Variants in FAM168B observed in about 807,000 individuals in gnomAD.
FAM168B encodes myelin-associated neurite-outgrowth inhibitor.
Under a neutral mutation model 21.8 loss-of-function variants are expected in FAM168B, and 19 were observed. The observed-to-expected ratio is 0.87, with a 90% CI of 0.61 to 1.28. FAM168B has a LOEUF of 1.28. FAM168B is among the 50% of genes most tolerant of loss of function. The pLI is 0.00. For synonymous variants in FAM168B, 126 were observed against 104.8 expected (o/e 1.20, Z -1.24); for missense variants, 233 against 263.1 (o/e 0.89, Z 0.79).
At chr2:131,074,100 A>G (rs1693015681) in intron 2 of FAM168B, among the ~76,000 whole-genome samples, 1 of 152,154 alleles carries the variant, frequency 6.6e-6, no homozygotes, top group Admixed American at 6.5e-5. Context: ...TACAGGAGGC[A>G]TCACTTGTGA....
In FAM168B at chr2:131,048,314, C is replaced by A. The variant is rs935789319; in HGVS notation, c.*4151G>T. On this transcript the variant is annotated 3_prime_UTR_variant, in exon 7 of 7. Coordinates refer to ENST00000389915, the MANE Select transcript of FAM168B (RefSeq NM_001009993.4). ...AGATCTGGCCCAGCTGCCTTGCCCACTGGTCTGCACAGGGACTCATGGGCA... is the reference window on the plus strand; with the variant it reads ...AGATCTGGCCCAGCTGCCTTGCCCAATGGTCTGCACAGGGACTCATGGGCA... 7.7e-6 allele frequency: 10 copies of A among 1,304,090 alleles called. No homozygotes were observed. The African/African-American group carries it at 1.2e-4, about 16-fold the overall frequency. 80.8% of individuals were successfully genotyped at this position (1,304,090 alleles called of 1,614,324 possible). A position where few individuals can be genotyped will look rare whatever the true frequency, so the allele number is the denominator to read the frequency against.
In FAM168B at chr2:131,052,988, G is replaced by T; in HGVS notation, c.503C>A (p.Thr168Asn). 6.4e-7 allele frequency: 1 copy of T among 1,556,072 alleles called. No homozygotes were observed. The highest frequency in any genetic ancestry group is 8.7e-7 in the Non-Finnish European group (1 of 1,149,498). ...AGTGACCGGGTGGGGGGCGACAGGA[G>T]TTGGGGAGTGAGCAGTCAGCAGGGT... is the stretch of plus-strand genomic sequence containing the variant. ...AGTLLTAHSP[T>N]PVAPHPVTVP... Residue 168 changes from threonine (T) to asparagine (N), a missense_variant, in exon 6 of 7, where the codon ACT (threonine) becomes AAT (asparagine). Coordinates refer to ENST00000389915, the MANE Select transcript of FAM168B (RefSeq NM_001009993.4).
In FAM168B at chr2:131,050,419, A is replaced by T; in HGVS notation, c.*2046T>A. ...TTAGAACCTACTAATCCTGCCAACCATCCACTAAACAGATGGAATTACCAA... is the reference window on the plus strand; with the variant it reads ...TTAGAACCTACTAATCCTGCCAACCTTCCACTAAACAGATGGAATTACCAA... On this transcript the variant is annotated 3_prime_UTR_variant, in exon 7 of 7. Transcript: ENST00000389915. 1.0e-6 allele frequency: 1 copy of T among 985,822 alleles called. No homozygotes were observed. The highest frequency in any genetic ancestry group is 1.2e-6 in the Non-Finnish European group (1 of 829,940). The allele number at this position is 985,822 out of a possible 1,614,324, so 61.1% of individuals were successfully genotyped here.
intron 2 of FAM168B, among the ~76,000 whole-genome samples, chr2:131,073,118 A>T (rs1193147416): frequency 6.6e-6 from 1 of 151,786 alleles, no homozygotes; most frequent in Non-Finnish European, 1.5e-5. Context: ...TCTAAGACAG[A>T]GTCTTGCTCT....
intron 2 of FAM168B, among the ~76,000 whole-genome samples, chr2:131,076,604 G>T (rs887819081): frequency 2.1e-5 from 3 of 146,238 alleles, no homozygotes; most frequent in African/African-American, 7.7e-5. Context: ...AGTGAGCCGA[G>T]ATCGCGCCAC....
At chr2:131,080,432 G>A (rs996972318) in intron 2 of FAM168B, among the ~76,000 whole-genome samples, 10 of 150,812 alleles carry the variant, frequency 6.6e-5, no homozygotes, top group Admixed American at 1.3e-4. Flanking sequence ...GAGGTCTGCA[G>A]TTCGAGACCA....
chr2:131,054,585 T>A (rs778207902), intron 5 of FAM168B, among the ~76,000 whole-genome samples: 2 of 152,174 alleles, frequency 1.3e-5, no homozygotes, highest in Non-Finnish European at 2.9e-5. Context: ...GAGGGAACAG[T>A]ACGCTTTTGT....
In FAM168B at chr2:131,050,473, G is replaced by A. The variant is rs1326238189; in HGVS notation, c.*1992C>T. The A allele has an allele frequency of 2.0e-6, 2 of 985,810 alleles. No homozygotes were observed. The highest frequency in any genetic ancestry group is 1.2e-4 in the Admixed American group (2 of 16,286). The allele number at this position is 985,810 out of a possible 1,614,324, so 61.1% of individuals were successfully genotyped here. On this transcript the variant is annotated 3_prime_UTR_variant, in exon 7 of 7. Coordinates refer to ENST00000389915, the MANE Select transcript of FAM168B (RefSeq NM_001009993.4). ...AGACTTGAAGAAAGGGGCACAAACT[G>A]TGTGCCTGCGGTAAATGTCTGCCCC...
intron 2 of FAM168B, among the ~76,000 whole-genome samples, chr2:131,073,985 A>G (rs552545283): frequency 1.3e-5 from 2 of 152,266 alleles, no homozygotes; most frequent in Non-Finnish European, 2.9e-5. Flanking sequence ...TGAGTGCTAC[A>G]GTCAGAATCC....
chr2:131,080,952 G>A (rs565779603), intron 2 of FAM168B, among the ~76,000 whole-genome samples: 1 of 152,210 alleles, frequency 6.6e-6, no homozygotes, highest in African/African-American at 2.4e-5. Context: ...TTACAGGCAT[G>A]AGCCACTACA....
chr2:131,090,724 T>C (rs1693974565), intron 1 of FAM168B, among the ~76,000 whole-genome samples: 1 of 152,058 alleles, frequency 6.6e-6, no homozygotes, highest in Non-Finnish European at 1.5e-5. Context: ...TATATATGTA[T>C]AATATATACA....
chr2:131,072,844 C>A (rs780343166), intron 2 of FAM168B, among the ~76,000 whole-genome samples: 27 of 152,262 alleles, frequency 1.8e-4, no homozygotes, highest in Non-Finnish European at 2.9e-4. Context: ...GGGTATCACA[C>A]GCTAGGTCCT....
At chr2:131,055,496 G>C (rs1691966736) in intron 4 of FAM168B, 47 bp from the exon 5 acceptor site, 2 of 1,601,378 alleles carry the variant, frequency 1.2e-6, no homozygotes, top group East Asian at 4.5e-5. Context: ...AGGGCCAAAG[G>C]ATGAACGCCC....
chr2:131,048,801 A>G lies in FAM168B; in HGVS notation c.*3664T>C. On this transcript the variant is annotated 3_prime_UTR_variant, in exon 7 of 7. Coordinates refer to ENST00000389915, the MANE Select transcript of FAM168B (RefSeq NM_001009993.4). The stretch of plus-strand genomic sequence containing the variant: ...TTTAGAGACCCTCTCAGAAAGCACC[A>G]GAGAGGAGGACCAGACGCTGCCACC... 1.0e-6 allele frequency: 1 copy of G among 985,884 alleles called. No individual in the cohort carries two copies. The highest frequency in any genetic ancestry group is 1.2e-6 in the Non-Finnish European group (1 of 829,892). The allele number at this position is 985,884 out of a possible 1,614,324, so 61.1% of individuals were successfully genotyped here. A position where few individuals can be genotyped will look rare whatever the true frequency, so the allele number is the denominator to read the frequency against.
At chr2:131,068,301 A>C (rs1383857374) in intron 3 of FAM168B, among the ~76,000 whole-genome samples, 2 of 152,056 alleles carry the variant, frequency 1.3e-5, no homozygotes, top group Admixed American at 6.6e-5. Flanking sequence ...TGGGACTACA[A>C]GTGTGTGCCA....
chr2:131,057,220 G>A (rs1412834212), intron 3 of FAM168B, among the ~76,000 whole-genome samples: 2 of 152,136 alleles, frequency 1.3e-5, no homozygotes, highest in African/African-American at 2.4e-5. Flanking sequence ...ACAGGTCCAC[G>A]AAAGACTTGT....
Position 131,050,923 on chromosome 2 carries a change from A to C in FAM168B, c.*1542T>G, listed in dbSNP as rs1573738259. On this transcript the variant is annotated 3_prime_UTR_variant, in exon 7 of 7. Coordinates refer to ENST00000389915, the MANE Select transcript of FAM168B (RefSeq NM_001009993.4). ...AAGGGACCCAGGCCTTACATCCCCC[A>C]CCCCCACTCTGACCCTCACTGAGAA... The C allele has an allele frequency of 1.0e-6, 1 of 984,412 alleles. No homozygotes were observed. 61.0% of individuals were successfully genotyped at this position (984,412 alleles called of 1,614,324 possible).
At chr2:131,092,995 CG>C (rs968397151) in intron 1 of FAM168B, among the ~76,000 whole-genome samples, 110 of 151,934 alleles carry the variant, frequency 7.2e-4, no homozygotes, top group African/African-American at 2.6e-3. Flanking sequence ...GCGGCAGGCC[CG>C]CGCCGCCCGG....
At chr2:131,056,603 G>C (rs762368705) in intron 3 of FAM168B, among the ~76,000 whole-genome samples, 6 of 152,206 alleles carry the variant, frequency 3.9e-5, no homozygotes, top group African/African-American at 9.7e-5. Context: ...GGTCTCAGGG[G>C]AGGGAGAGGG....
Sources: gnomAD v4.1 joint callset for allele counts (sites outside exome capture counted in the v4.1 genomes callset) on GRCh38, gnomAD v4.1.1 for gene constraint, MANE v1.5 for transcripts, NCBI Gene and HGNC (gene_info 2026-07-23, HGNC 2026-07-21) for gene names.